The following PRKCZ variants were observed in gnomAD, a reference collection of about 807,000 sequenced individuals.
PRKCZ encodes the protein protein kinase C zeta type.
Under a neutral mutation model 79.5 loss-of-function variants are expected in PRKCZ, and 33 were observed. The ratio of observed to expected loss-of-function variants is 0.41; its 90% CI spans 0.31 to 0.55. The LOEUF (loss-of-function observed/expected upper bound fraction) is 0.55. PRKCZ is among the 20% of genes least tolerant of loss of function. PRKCZ has a pLI of 0.19. For synonymous variants in PRKCZ, 342 were observed against 320.9 expected, an observed-to-expected ratio of 1.07 and a Z score of -0.70; for missense variants, 578 against 813.5, an observed-to-expected ratio of 0.71 and a Z score of 3.52.
intron 10 of PRKCZ, among the ~76,000 whole-genome samples, chr1:2,166,955 C>T (rs903429740): frequency 2.6e-5 from 4 of 152,214 alleles, no homozygotes; most frequent in African/African-American, 7.2e-5. Context: ...GGAGTGGGCT[C>T]GGAGCATGCT....
chr1:2,090,161 C>T (rs1571291351), intron 4 of PRKCZ, among the ~76,000 whole-genome samples: 1 of 152,212 alleles, frequency 6.6e-6, no homozygotes, highest in South Asian at 2.1e-4. Flanking sequence ...TCTGCAGTGT[C>T]CTATGTGTAA....
At chr1:2,163,925 AC>A (rs1682819833) in intron 10 of PRKCZ, among the ~76,000 whole-genome samples, 1 of 151,802 alleles carries the variant, frequency 6.6e-6, no homozygotes, top group Non-Finnish European at 1.5e-5. Flanking sequence ...AAAGAAGAAC[AC>A]TGCAAGTTGT....
At chr1:2,133,982 G>A (rs1675617842) in intron 4 of PRKCZ, 1 of 152,314 alleles carries the variant, frequency 6.6e-6, no homozygotes, top group African/African-American at 2.4e-5. Context: ...CTCTTGTGGA[G>A]CCCAGGCCTG....
intron 3 of PRKCZ, among the ~76,000 whole-genome samples, chr1:2,057,272 A>G (rs1022190324): frequency 6.6e-6 from 1 of 151,998 alleles, no homozygotes; most frequent in Non-Finnish European, 1.5e-5. Context: ...GATCATTTCC[A>G]CTTTGTCTTT....
intron 4 of PRKCZ, among the ~76,000 whole-genome samples, chr1:2,120,979 A>G (rs1248149385): frequency 1.3e-5 from 2 of 151,194 alleles, no homozygotes; most frequent in Non-Finnish European, 2.9e-5. Context: ...ACGCCCCACT[A>G]ATTTTTATGT....
rs769300215 is a variant in PRKCZ at position 2,093,872 on chromosome 1, C to T, written c.334+34281C>T. On this transcript the variant is annotated intron_variant, in intron 4 of 17. Coordinates refer to ENST00000378567, the MANE Select transcript of PRKCZ (RefSeq NM_002744.6). Reference sequence around the variant, plus strand: ...GCACGGGACGAGCCGAGGATCCCCGCGTCGACGTGGAGGTCCGCGGCCGTC... The same window carrying T: ...GCACGGGACGAGCCGAGGATCCCCGTGTCGACGTGGAGGTCCGCGGCCGTC... Among the ~76,000 whole-genome samples the T allele has an allele frequency of 9.3e-4, 141 of 152,278 alleles. 1 individual carries two copies. The highest frequency in any genetic ancestry group is 1.6e-3 in the Non-Finnish European group (112 of 68,032).
chr1:2,098,040 G>A (rs1666825737), intron 4 of PRKCZ, among the ~76,000 whole-genome samples: 2 of 152,048 alleles, frequency 1.3e-5, no homozygotes, highest in South Asian at 4.1e-4. Context: ...TGACGGGAAG[G>A]ATGGTTACAG....
In PRKCZ at chr1:2,127,050, G is replaced by A. The variant is rs1249590084; in HGVS notation, c.335-8212G>A. Among the ~76,000 whole-genome samples, 1 of 152,216 alleles carries A rather than the reference G, an allele frequency of 6.6e-6. No individual in the cohort carries two copies. The highest frequency in any genetic ancestry group is 6.5e-5 in the Admixed American group (1 of 15,290). On this transcript the variant is annotated intron_variant, in intron 4 of 17. Transcript: ENST00000378567. This position sits in a 1 kb window ranked among gnomAD's most constrained non-coding sequence, Gnocchi z 5.1. The stretch of plus-strand genomic sequence containing the variant: ...TTCGCCCGACTGGCGCCTCGGCTGT[G>A]CCTCTTCTGTCTCTCGAGCTCTTCT...
intron 16 of PRKCZ, chr1:2,184,365 C>G: frequency 2.0e-6 from 1 of 502,644 alleles, no homozygotes; most frequent in South Asian, 2.2e-5. Flanking sequence ...CCAGCATGGC[C>G]GACACTGGCA....
chr1:2,174,774 C>T lies in PRKCZ; in HGVS notation c.1426C>T (p.Arg476Trp). The T allele has an allele frequency of 1.2e-6, 2 of 1,614,124 alleles. No individual in the cohort carries two copies. Among genetic ancestry groups the T allele is most frequent in the Non-Finnish European group, 1.7e-6 (2 of 1,179,994 alleles). ...TGCAGTGATCCTGGAGAAGCCCATC[C>T]GGATCCCCCGGTTCCTGTCCGTCAA... Reference protein sequence around the residue: ...LFQVILEKPIRIPRFLSVKAS... With the variant: ...LFQVILEKPIWIPRFLSVKAS... Residue 476 changes from arginine (R) to tryptophan (W), a missense_variant, in exon 15 of 18, where the codon CGG (arginine) becomes TGG (tryptophan). Transcript: ENST00000378567. This position sits in a 1 kb window ranked among gnomAD's most constrained non-coding sequence, Gnocchi z 6.2.
At chr1:2,157,074 CG>C (rs1397040070) in intron 10 of PRKCZ, among the ~76,000 whole-genome samples, 1 of 152,176 alleles carries the variant, frequency 6.6e-6, no homozygotes, top group Non-Finnish European at 1.5e-5. Context: ...CTGATGGGGT[CG>C]CTTCCAGTCC....
intron 10 of PRKCZ, among the ~76,000 whole-genome samples, chr1:2,158,446 T>A (rs1013471723): frequency 6.6e-6 from 1 of 152,264 alleles, no homozygotes; most frequent in Admixed American, 6.5e-5. Context: ...CGCCTGCGCC[T>A]GACGGCTCTG....
chr1:2,057,490 C>G (rs1466373640), intron 3 of PRKCZ, among the ~76,000 whole-genome samples: 2 of 152,226 alleles, frequency 1.3e-5, no homozygotes, highest in Non-Finnish European at 2.9e-5. Flanking sequence ...GGATTTCTGA[C>G]AGATCCATCA....
intron 16 of PRKCZ, among the ~76,000 whole-genome samples, chr1:2,176,037 G>T (rs959165462): frequency 6.6e-6 from 1 of 152,150 alleles, no homozygotes; most frequent in African/African-American, 2.4e-5. Flanking sequence ...CTTTAGCGTC[G>T]GGTATTGAAG....
At chr1:2,072,746 G>T (rs370905642) in intron 4 of PRKCZ, among the ~76,000 whole-genome samples, 16 of 152,266 alleles carry the variant, frequency 1.1e-4, no homozygotes, top group African/African-American at 3.9e-4. Context: ...TCCAGGGTCA[G>T]CAGGGCCATA....
At chr1:2,067,559 C>A (rs1017993927) in intron 4 of PRKCZ, among the ~76,000 whole-genome samples, 17 of 152,192 alleles carry the variant, frequency 1.1e-4, no homozygotes, top group African/African-American at 4.1e-4. Context: ...GTGGAGTAAT[C>A]GGGCGGTGGA....
chr1:2,069,982 T>G (rs1661435614), intron 4 of PRKCZ, among the ~76,000 whole-genome samples: 1 of 151,910 alleles, frequency 6.6e-6, no homozygotes, highest in Non-Finnish European at 1.5e-5. Flanking sequence ...GTGCCGGGGG[T>G]AGCCTGGCTT....
rs1001685219 is a variant in PRKCZ at position 2,178,629 on chromosome 1, A to G, written c.1575+3316A>G. The stretch of plus-strand genomic sequence containing the variant: ...TCCGGTGGTCTCAGTCTAGCCTTTC[A>G]GGGGGGCCACCTGTTCCTGCAGCGG... On this transcript the variant is annotated intron_variant, in intron 16 of 17. Transcript: ENST00000378567. The surrounding 1 kb of genome is among the most constrained non-coding windows in gnomAD (Gnocchi z 4.3). Among the ~76,000 whole-genome samples the G allele has an allele frequency of 6.6e-6, 1 of 152,050 alleles. No homozygotes were observed. The highest frequency in any genetic ancestry group is 1.5e-5 in the Non-Finnish European group (1 of 67,988).
chr1:2,054,697 C>T (rs993080621), intron 1 of PRKCZ, among the ~76,000 whole-genome samples: 2 of 152,062 alleles, frequency 1.3e-5, no homozygotes, highest in African/African-American at 2.4e-5. Context: ...CCGCTGGCAC[C>T]GTCGAGGTCT....
Sources: gnomAD v4.1 joint callset for allele counts (sites outside exome capture counted in the v4.1 genomes callset) on GRCh38, gnomAD v4.1.1 for gene constraint, Gnocchi (gnomAD v3.1) non-coding constraint, MANE v1.5 for transcripts, NCBI Gene and HGNC (gene_info 2026-07-23, HGNC 2026-07-21) for gene names.